The following KCNJ12 variants were observed in gnomAD, a reference collection of about 807,000 sequenced individuals.
The protein encoded by KCNJ12 is potassium inwardly rectifying channel subfamily J member 12, also known as ATP-sensitive inward rectifier potassium channel 12.
A neutral mutation model predicts 22.3 loss-of-function variants in KCNJ12; 2 were observed. The observed-to-expected ratio is 0.09, with a 90% CI of 0.04 to 0.28. The LOEUF is 0.28. Ranked by LOEUF, KCNJ12 falls within the 10% of genes least tolerant of loss-of-function variation. The pLI is 1.00. For missense variants in KCNJ12, 155 were observed against 633.3 expected (o/e 0.24, Z 8.11); for synonymous variants, 117 against 261.4 (o/e 0.45, Z 5.33).
chr17:21,382,052 G>A lies in KCNJ12; in HGVS notation c.-179+5139G>A, dbSNP rs74495295. On this transcript the variant is annotated intron_variant, in intron 1 of 2. Coordinates refer to ENST00000583088, the MANE Select transcript of KCNJ12 (RefSeq NM_021012.5). ...TGGCGCTTGTTGGTGGACAGAGCTG[G>A]ATTCTGACCTTTTCTCTGAGCCTTT... Among the ~76,000 whole-genome samples the A allele has an allele frequency of 4.9e-3, 751 of 152,328 alleles. 6 individuals carry two copies. Among genetic ancestry groups the A allele is most frequent in the African/African-American group, 0.017 (711 of 41,584 alleles).
chr17:21,397,958 GTTTTTTGCCT>G (rs1227089059), intron 1 of KCNJ12, among the ~76,000 whole-genome samples: 22 of 152,240 alleles, frequency 1.4e-4, no homozygotes, highest in African/African-American at 4.6e-4. Flanking sequence ...GTTTGGTTTT[GTTTTTTGCCT>G]TTGAACCAAG....
At chr17:21,399,146 GA>G (rs1178560660) in intron 1 of KCNJ12, among the ~76,000 whole-genome samples, 2 of 152,170 alleles carry the variant, frequency 1.3e-5, no homozygotes, top group Non-Finnish European at 2.9e-5. Flanking sequence ...AGACCCCATG[GA>G]GCGAAGCTGC....
At chr17:21,412,404 G>C (rs1489113098) in intron 2 of KCNJ12, among the ~76,000 whole-genome samples, 1 of 152,310 alleles carries the variant, frequency 6.6e-6, no homozygotes, top group Non-Finnish European at 1.5e-5. Context: ...GGGCTCTCTG[G>C]CCTTTAATTC....
chr17:21,403,179 G>A (rs1292256481), intron 1 of KCNJ12, among the ~76,000 whole-genome samples: 1 of 152,308 alleles, frequency 6.6e-6, no homozygotes, highest in Non-Finnish European at 1.5e-5. Flanking sequence ...GCATTTCATG[G>A]TGAGGGGCGA....
chr17:21,415,227 T>G, intron 2 of KCNJ12, 60 bp from the exon 3 acceptor site: 1 of 1,491,092 alleles, frequency 6.7e-7, no homozygotes, highest in Non-Finnish European at 9.0e-7. Context: ...GGCCCTGGGA[T>G]GGGGGTAGAG....
At chr17:21,393,099 G>T (rs181776822) in intron 1 of KCNJ12, among the ~76,000 whole-genome samples, 482 of 152,244 alleles carry the variant, frequency 3.2e-3, no homozygotes, top group African/African-American at 0.011. Flanking sequence ...CTGCACGGCC[G>T]TACCGGCTCT....
intron 1 of KCNJ12, among the ~76,000 whole-genome samples, chr17:21,379,128 T>C (rs1303229630): frequency 5.3e-5 from 8 of 152,174 alleles, no homozygotes; most frequent in Non-Finnish European, 1.0e-4. Context: ...AAAATAATAA[T>C]GACAGCAGTG....
intron 1 of KCNJ12, among the ~76,000 whole-genome samples, chr17:21,393,449 C>T (rs1391501734): frequency 6.6e-6 from 1 of 152,180 alleles, no homozygotes; most frequent in Non-Finnish European, 1.5e-5. Context: ...TCTGCGTGCG[C>T]CCTCCCCTCT....
rs150348227 is a variant in KCNJ12, at chr17:21,388,871, C to G, written c.-179+11958C>G. On this transcript the variant is annotated intron_variant, in intron 1 of 2. Transcript: ENST00000583088. ...TAAAGAAGGCCCCGCTGGGCCCCCC[C>G]CGAGGGAAGGTAGAGACATCCTGGG... Among the ~76,000 whole-genome samples, 69 of 152,316 alleles carry G rather than the reference C, an allele frequency of 4.5e-4. No individual in the cohort carries two copies. The East Asian group carries it at 0.013, about 28-fold the overall frequency.
chr17:21,412,192 C>A (rs1427328247), intron 2 of KCNJ12, among the ~76,000 whole-genome samples: 1 of 152,264 alleles, frequency 6.6e-6, no homozygotes, highest in African/African-American at 2.4e-5. Flanking sequence ...ATGAACTTGA[C>A]CTTGTTGATG....
chr17:21,382,222 G>C (rs1243416466), intron 1 of KCNJ12, among the ~76,000 whole-genome samples: 1 of 152,222 alleles, frequency 6.6e-6, no homozygotes, highest in Non-Finnish European at 1.5e-5. Context: ...GCCTGCTTCA[G>C]CTCAGGATGT....
At chr17:21,380,805 GGCCCC>G (rs1904839917) in intron 1 of KCNJ12, among the ~76,000 whole-genome samples, 1 of 150,448 alleles carries the variant, frequency 6.6e-6, no homozygotes, top group African/African-American at 2.5e-5. Context: ...GATGGCAGTG[GGCCCC>G]AGATGGCAGT....
intron 1 of KCNJ12, among the ~76,000 whole-genome samples, chr17:21,387,358 C>A (rs1454040345): frequency 7.4e-6 from 1 of 135,122 alleles, no homozygotes; most frequent in Non-Finnish European, 1.5e-5. Context: ...AGGAGAATGG[C>A]GTGAACCTGG....
chr17:21,385,394 G>T (rs1567696864), intron 1 of KCNJ12, among the ~76,000 whole-genome samples: 1 of 152,184 alleles, frequency 6.6e-6, no homozygotes, highest in Non-Finnish European at 1.5e-5. Flanking sequence ...CTGGGCTTGG[G>T]CACTGCAGGC....
rs1387475274 is a variant in KCNJ12, at chr17:21,415,232, G to A, written c.-56-55G>A. 4.7e-6 allele frequency: 7 copies of A among 1,504,292 alleles called. No homozygotes were observed. In the South Asian group the frequency reaches 6.0e-5, roughly 13 times the overall value. 93.2% of individuals were successfully genotyped at this position (1,504,292 alleles called of 1,614,324 possible). On this transcript the variant is annotated intron_variant, in intron 2 of 2. Coordinates refer to ENST00000583088, the MANE Select transcript of KCNJ12 (RefSeq NM_021012.5). The stretch of plus-strand genomic sequence containing the variant: ...CACGTCTGGGGGCCCTGGGATGGGG[G>A]TAGAGGAGCCCGGAGCCACCAGCCC...
At chr17:21,405,152 G>A (rs1394000958) in intron 1 of KCNJ12, 2 of 152,826 alleles carry the variant, frequency 1.3e-5, no homozygotes, top group Non-Finnish European at 2.9e-5. Flanking sequence ...CCACAGGGAG[G>A]CTTGGGCACA....
chr17:21,386,119 C>T (rs1905061124), intron 1 of KCNJ12, among the ~76,000 whole-genome samples: 1 of 152,258 alleles, frequency 6.6e-6, no homozygotes, highest in Non-Finnish European at 1.5e-5. Context: ...TGGCCTAAAA[C>T]AGTACAAATG....
At chr17:21,395,568 CAAAAA>C (rs10652801) in intron 1 of KCNJ12, among the ~76,000 whole-genome samples, 6 of 48,136 alleles carry the variant, frequency 1.2e-4, no homozygotes, top group African/African-American at 4.1e-4. Flanking sequence ...GACTTCTTCT[CAAAAA>C]AAAAAAAAAA....
chr17:21,392,580 G>A (rs553322445), intron 1 of KCNJ12, among the ~76,000 whole-genome samples: 1 of 152,378 alleles, frequency 6.6e-6, no homozygotes, highest in South Asian at 2.1e-4. Context: ...GGCCTTGGAG[G>A]GGCTCCAAGC....
Sources: gnomAD v4.1 joint callset for allele counts (sites outside exome capture counted in the v4.1 genomes callset) on GRCh38, gnomAD v4.1.1 for gene constraint, MANE v1.5 for transcripts, NCBI Gene and HGNC (gene_info 2026-07-23, HGNC 2026-07-21) for gene names.